The following ANXA10 variants were observed in gnomAD, a reference collection of about 807,000 sequenced individuals.
The protein encoded by ANXA10 is annexin 14.
Under a neutral mutation model 53.5 loss-of-function variants are expected in ANXA10, and 49 were observed. The observed-to-expected ratio is 0.92, with a 90% CI of 0.73 to 1.16. ANXA10 has a LOEUF of 1.16. Among genes scored for constraint, ANXA10 ranks in the 50% most tolerant of loss-of-function variants. The pLI is 0.00. For synonymous variants in ANXA10, 131 were observed against 128.9 expected, an observed-to-expected ratio of 1.02 and a Z score of -0.11; for missense variants, 393 against 394.4, an observed-to-expected ratio of 1.00 and a Z score of 0.03.
chr4:168,101,440 T>C (rs1730637665), intron 1 of ANXA10, among the ~76,000 whole-genome samples: 1 of 148,432 alleles, frequency 6.7e-6, no homozygotes, highest in Admixed American at 6.7e-5. Context: ...TTGGGAACAC[T>C]TTTAGGCTTA....
chr4:168,116,064 A>T (rs923338838), intron 1 of ANXA10, among the ~76,000 whole-genome samples: 1 of 152,024 alleles, frequency 6.6e-6, no homozygotes, highest in Non-Finnish European at 1.5e-5. Context: ...CGGAAGTTTA[A>T]AATTTAGAGA....
chr4:168,148,971 G>GT (rs1383506944), intron 3 of ANXA10, among the ~76,000 whole-genome samples: 6 of 151,560 alleles, frequency 4.0e-5, no homozygotes, highest in African/African-American at 1.5e-4. Context: ...TTTGTTTTTT[G>GT]TTTTTTCTGG....
intron 3 of ANXA10, among the ~76,000 whole-genome samples, chr4:168,150,566 G>A (rs1023240028): frequency 6.6e-6 from 1 of 152,174 alleles, no homozygotes; most frequent in African/African-American, 2.4e-5. Flanking sequence ...AGAAGAATAA[G>A]ACAGAAATTT....
chr4:168,163,404 A>G (rs1242524991), intron 4 of ANXA10, among the ~76,000 whole-genome samples: 1 of 152,222 alleles, frequency 6.6e-6, no homozygotes, highest in Non-Finnish European at 1.5e-5. Flanking sequence ...GGCAACAGGA[A>G]AAAAATTAAA....
At chr4:168,127,898 AT>A (rs1174547986) in intron 1 of ANXA10, 185 bp from the exon 2 acceptor site, 1 of 235,180 alleles carries the variant, frequency 4.3e-6, no homozygotes, top group Non-Finnish European at 7.8e-6. Context: ...AATTTTTTGT[AT>A]TTTTTGTAGA....
At position 168,153,436 on chromosome 4, in the gene ANXA10, AAAAAACAAAAACAAAAACAAAAC is replaced by A. The variant is rs1560782244; in HGVS notation, c.196-9086_196-9064del. ...AAAGCCTAAAGCAAAAAAAAAAAAA[AAAAAACAAAAACAAAAACAAAAC>A]AAAAAAAAAAACCAATAACAACAAC... is the stretch of plus-strand genomic sequence containing the variant. On this transcript the variant is annotated intron_variant, in intron 3 of 11. Coordinates refer to ENST00000359299, the MANE Select transcript of ANXA10 (RefSeq NM_007193.5). 2.6e-3 allele frequency among the ~76,000 whole-genome samples: 149 copies of A among 58,416 alleles called. 1 individual carries two copies. Among genetic ancestry groups the A allele is most frequent in the Middle Eastern group, 9.6e-3 (1 of 104 alleles). 38.3% of individuals were successfully genotyped at this position (58,416 alleles called of 152,430 possible). A position where few individuals can be genotyped will look rare whatever the true frequency, so the allele number is the denominator to read the frequency against.
chr4:168,132,801 T>A, intron 2 of ANXA10, among the ~76,000 whole-genome samples: 1 of 152,102 alleles, frequency 6.6e-6, no homozygotes, highest in Non-Finnish European at 1.5e-5. Flanking sequence ...GGAATAATTT[T>A]AAATTTTAGT....
intron 1 of ANXA10, among the ~76,000 whole-genome samples, chr4:168,096,905 C>T (rs1322152728): frequency 1.5e-4 from 5 of 32,758 alleles, no homozygotes; most frequent in Admixed American, 1.2e-3. Context: ...ATTACTAATA[C>T]AAATGCATAT....
At chr4:168,186,101 G>A (rs1369655094) in intron 11 of ANXA10, among the ~76,000 whole-genome samples, 1 of 152,098 alleles carries the variant, frequency 6.6e-6, no homozygotes, top group Admixed American at 6.6e-5. Context: ...AATCACAACC[G>A]ACTCAAAGTC....
chr4:168,185,600 A>G (rs1443757717), intron 11 of ANXA10, among the ~76,000 whole-genome samples: 1 of 152,234 alleles, frequency 6.6e-6, no homozygotes, highest in Non-Finnish European at 1.5e-5. Flanking sequence ...GAATCCTCAG[A>G]ATATATAGGA....
At chr4:168,109,200 C>G (rs921919124) in intron 1 of ANXA10, among the ~76,000 whole-genome samples, 4 of 152,116 alleles carry the variant, frequency 2.6e-5, no homozygotes, top group African/African-American at 9.7e-5. Context: ...TTCTACCAAC[C>G]CTCACTTTCC....
intron 2 of ANXA10, among the ~76,000 whole-genome samples, chr4:168,131,114 T>C (rs1578906232): frequency 6.6e-6 from 1 of 151,998 alleles, no homozygotes; most frequent in East Asian, 1.9e-4. Context: ...TTTGTTTCTC[T>C]ATATGCATTT....
At chr4:168,144,637 A>G (rs1251024513) in intron 3 of ANXA10, among the ~76,000 whole-genome samples, 3 of 152,224 alleles carry the variant, frequency 2.0e-5, no homozygotes, top group Non-Finnish European at 4.4e-5. Context: ...CAATTTCCGG[A>G]AAGCTATTAT....
In ANXA10 at chr4:168,164,376, T is replaced by C. The variant is rs532736160; in HGVS notation, c.400+88T>C. ...ATTCCAGTTTATGTATTTTGAAGAA[T>C]TATCTAAGACATTCTTACATTTAAC... On this transcript the variant is annotated intron_variant, in intron 5 of 11. Coordinates refer to ENST00000359299, the MANE Select transcript of ANXA10 (RefSeq NM_007193.5). The C allele has an allele frequency of 2.0e-3, 2,033 of 1,002,408 alleles. 4 individuals are homozygous for C. The highest frequency in any genetic ancestry group is 2.8e-3 in the Non-Finnish European group (1,905 of 675,644). 62.1% of individuals were successfully genotyped at this position (1,002,408 alleles called of 1,614,324 possible). A position where few individuals can be genotyped will look rare whatever the true frequency, so the allele number is the denominator to read the frequency against.
chr4:168,168,230 G>A (rs1054558821), intron 6 of ANXA10, among the ~76,000 whole-genome samples: 6 of 152,136 alleles, frequency 3.9e-5, no homozygotes, highest in African/African-American at 1.4e-4. Flanking sequence ...ACCCAGGGAA[G>A]CAGAAAGAGA....
chr4:168,115,956 AT>A (rs970480023), intron 1 of ANXA10, among the ~76,000 whole-genome samples: 1 of 152,142 alleles, frequency 6.6e-6, no homozygotes, highest in Non-Finnish European at 1.5e-5. Flanking sequence ...TGGTACATGG[AT>A]TTTTTTATAC....
chr4:168,128,284 C>CA (rs11353908), intron 2 of ANXA10, 119 bp downstream of exon 2: 26,140 of 356,830 alleles, frequency 0.073, 143 homozygotes, highest in East Asian at 0.15. Flanking sequence ...ACAGATTAGA[C>CA]AAAAAAAAAA....
chr4:168,115,820 G>T (rs1336041506), intron 1 of ANXA10, among the ~76,000 whole-genome samples: 1 of 152,150 alleles, frequency 6.6e-6, no homozygotes, highest in African/African-American at 2.4e-5. Context: ...TGTGAAATAA[G>T]ATTATCAGTC....
chr4:168,131,890 T>C (rs1731161347), intron 2 of ANXA10, among the ~76,000 whole-genome samples: 1 of 152,090 alleles, frequency 6.6e-6, no homozygotes, highest in Admixed American at 6.6e-5. Flanking sequence ...TTAATGTTGA[T>C]TTCTTGTAGA....
Sources: allele counts gnomAD v4.1 joint callset (sites outside exome capture counted in the v4.1 genomes callset), GRCh38; gene constraint gnomAD v4.1.1; transcripts MANE v1.5; gene names NCBI Gene and HGNC (gene_info 2026-07-23, HGNC 2026-07-21).